EPYC: variants seen among roughly 807,000 people sequenced by gnomAD.
EPYC encodes dermatan sulfate proteoglycan 3.
EPYC carries 28 observed loss-of-function variants against 30.1 expected under a neutral mutation model. That is an observed-to-expected ratio of 0.93 (90% CI 0.69 to 1.28). The LOEUF is 1.28. Among genes scored for constraint, EPYC ranks in the 50% most tolerant of loss-of-function variants. The pLI is 0.00. For synonymous variants in EPYC, 144 were observed against 141.4 expected, an observed-to-expected ratio of 1.02 and a Z score of -0.13; for missense variants, 382 against 383.5, an observed-to-expected ratio of 1.00 and a Z score of 0.03.
At chr12:90,998,675 T>C (rs1476158771) in intron 2 of EPYC, among the ~76,000 whole-genome samples, 2 of 152,122 alleles carry the variant, frequency 1.3e-5, no homozygotes, top group East Asian at 3.9e-4. Flanking sequence ...TCAAATTTGA[T>C]TTTCAGATAA....
intron 2 of EPYC, among the ~76,000 whole-genome samples, chr12:90,990,123 A>G (rs750163678): frequency 1.3e-4 from 20 of 152,152 alleles, no homozygotes; most frequent in South Asian, 6.2e-4. Context: ...TGGACTGAAA[A>G]CGAAGATATT....
At chr12:90,997,644 G>A (rs1877724741) in intron 2 of EPYC, among the ~76,000 whole-genome samples, 1 of 151,840 alleles carries the variant, frequency 6.6e-6, no homozygotes, top group Non-Finnish European at 1.5e-5. Context: ...ACCCTTTAAG[G>A]CACATGGAAA....
chr12:90,984,513 G>A (rs958387457), intron 2 of EPYC, among the ~76,000 whole-genome samples: 2 of 152,158 alleles, frequency 1.3e-5, no homozygotes, highest in African/African-American at 4.8e-5. Flanking sequence ...TATTCTCTCT[G>A]TGATGGGGAA....
chr12:90,986,854 A>G (rs1417631650), intron 2 of EPYC, among the ~76,000 whole-genome samples: 1 of 152,156 alleles, frequency 6.6e-6, no homozygotes, highest in Non-Finnish European at 1.5e-5. Context: ...ACAGTTTTTT[A>G]TATTGTATCT....
intron 6 of EPYC, among the ~76,000 whole-genome samples, chr12:90,967,779 C>A (rs1274616845): frequency 6.6e-6 from 1 of 152,098 alleles, no homozygotes. Context: ...TCAAGACCAG[C>A]CTGGGCAACA....
intron 6 of EPYC, among the ~76,000 whole-genome samples, chr12:90,965,594 T>C (rs1400148269): frequency 6.6e-6 from 1 of 152,144 alleles, no homozygotes; most frequent in East Asian, 1.9e-4. Flanking sequence ...TCATTGTTAG[T>C]GTATTGAAAC....
At chr12:90,995,086 C>T (rs1380962049) in intron 2 of EPYC, among the ~76,000 whole-genome samples, 1 of 152,138 alleles carries the variant, frequency 6.6e-6, no homozygotes, top group Non-Finnish European at 1.5e-5. Flanking sequence ...CTGCTTTAAA[C>T]ATGAGCCTGG....
intron 6 of EPYC, among the ~76,000 whole-genome samples, chr12:90,968,362 G>C (rs111561673): frequency 6.6e-6 from 1 of 152,260 alleles, no homozygotes; most frequent in African/African-American, 2.4e-5. Flanking sequence ...ATCCACATGA[G>C]AAATCAGAAA....
Position 90,964,178 on chromosome 12 carries a change from A to G in EPYC, c.947T>C (p.Leu316Pro), listed in dbSNP as rs750415010. 6.2e-7 allele frequency: 1 copy of G among 1,612,430 alleles called. No homozygotes were observed. The highest frequency in any genetic ancestry group is 1.1e-5 in the South Asian group (1 of 90,748). ...AAATTAGACAAGGCTCCCAACAGGC[A>G]GACGAGGTAGACACATGTATGCTTG... ...TPQAYMCLPRLPVGSLV is the reference protein window; with the variant it reads ...TPQAYMCLPRPPVGSLV The change falls in exon 7 of 7, where the codon CTG (leucine) becomes CCG (proline). Residue 316 changes from leucine (L) to proline (P), a missense_variant. Coordinates refer to ENST00000261172, the MANE Select transcript of EPYC (RefSeq NM_004950.5).
At chr12:90,971,702 AT>A (rs1251914498) in intron 5 of EPYC, 97 bp downstream of exon 5, 1 of 410,274 alleles carries the variant, frequency 2.4e-6, no homozygotes, top group Non-Finnish European at 3.9e-6. Context: ...AAATAAATAA[AT>A]AAATAAATTT....
intron 2 of EPYC, among the ~76,000 whole-genome samples, chr12:90,987,430 G>A (rs1442175030): frequency 6.6e-6 from 1 of 150,948 alleles, no homozygotes; most frequent in African/African-American, 2.4e-5. Flanking sequence ...TTGGCCAGAA[G>A]CCCCTCTCAG....
chr12:90,982,831 G>A (rs1479464118), intron 2 of EPYC, among the ~76,000 whole-genome samples: 2 of 151,806 alleles, frequency 1.3e-5, no homozygotes, highest in Non-Finnish European at 2.9e-5. Flanking sequence ...ATTCTTTTTT[G>A]TGTCTGAATA....
At chr12:90,981,622 A>G (rs1265568254) in intron 2 of EPYC, among the ~76,000 whole-genome samples, 3 of 152,062 alleles carry the variant, frequency 2.0e-5, no homozygotes, top group African/African-American at 7.2e-5. Context: ...CTATATAATT[A>G]TATTGCTGCC....
At chr12:90,969,975 T>A in intron 6 of EPYC, 69 bp downstream of exon 6, 1 of 1,053,900 alleles carries the variant, frequency 9.5e-7, no homozygotes. Flanking sequence ...CAAATTCTTG[T>A]GTCCTGATGT....
chr12:90,971,806 T>C lies in EPYC; in HGVS notation c.696A>G (p.Ala232=). 1 of 1,575,318 alleles carries C rather than the reference T, an allele frequency of 6.3e-7. No individual in the cohort carries two copies. Among genetic ancestry groups the C allele is most frequent in the Non-Finnish European group, 8.6e-7 (1 of 1,162,960 alleles). ...TATCAAACTTAAAACTTACTTTAAA[T>C]GCTTCTTGCTTTATCCCTTTCCTTC... is the stretch of plus-strand genomic sequence containing the variant. ...RLGRKGIKQE[A]FKDMYDLHHL... The change falls in exon 5 of 7, where the codon GCA becomes GCG. Residue 232 remains alanine (A), a synonymous_variant. Transcript: ENST00000261172.
chr12:91,002,527 G>T lies in EPYC; in HGVS notation c.39C>A (p.Ile13=). ...TTGGGGCAGTCACAGCAGCATCAAA[G>T]ATGACAAGTCCCAGAACAAGTCCTG... ...TLAGLVLGLV[I]FDAAVTAPTL... Residue 13 remains isoleucine, a synonymous_variant, in exon 2 of 7, where the codon ATC becomes ATA. Coordinates refer to ENST00000261172, the MANE Select transcript of EPYC (RefSeq NM_004950.5). 1 of 1,613,056 alleles carries T rather than the reference G, an allele frequency of 6.2e-7. No homozygotes were observed. The highest frequency in any genetic ancestry group is 8.5e-7 in the Non-Finnish European group (1 of 1,179,512).
intron 4 of EPYC, 173 bp downstream of exon 4, chr12:90,972,649 G>C (rs535017715): frequency 4.8e-5 from 28 of 578,560 alleles, no homozygotes; most frequent in Non-Finnish European, 8.2e-5. Flanking sequence ...CTTATTTGTT[G>C]TTTTTCTTAT....
intron 2 of EPYC, among the ~76,000 whole-genome samples, chr12:90,999,488 A>T (rs184965252): frequency 6.6e-6 from 1 of 152,186 alleles, no homozygotes; most frequent in African/African-American, 2.4e-5. Context: ...CACATAGGAG[A>T]TTTAAAAAAA....
At chr12:90,996,177 C>T (rs1248675415) in intron 2 of EPYC, among the ~76,000 whole-genome samples, 3 of 151,734 alleles carry the variant, frequency 2.0e-5, no homozygotes, top group Non-Finnish European at 4.4e-5. Flanking sequence ...ATTTCCTAGA[C>T]TAATTACCCT....
Sources: gnomAD v4.1 joint callset for allele counts (sites outside exome capture counted in the v4.1 genomes callset) on GRCh38, gnomAD v4.1.1 for gene constraint, MANE v1.5 for transcripts, NCBI Gene and HGNC (gene_info 2026-07-23, HGNC 2026-07-21) for gene names.